The following DRC11 variants were observed in gnomAD, a reference collection of about 807,000 sequenced individuals.
DRC11 encodes IQ and AAA domain-containing protein 1.
chr2:236,358,093 A>T, the DRC11 span, among the ~76,000 whole-genome samples: 6 of 118,782 alleles, frequency 5.1e-5, no homozygotes, highest in Non-Finnish European at 6.4e-5. Flanking sequence ...ATAGATATAT[A>T]CCATATGAAT....
chr2:236,482,616 A>G, the DRC11 span, among the ~76,000 whole-genome samples: 1 of 152,190 alleles, frequency 6.6e-6, no homozygotes, highest in Non-Finnish European at 1.5e-5. The surrounding 1 kb of genome is among the most constrained non-coding windows in gnomAD (Gnocchi z 4.5). Flanking sequence ...TCTAAGATGT[A>G]CATTTTTCAT....
the DRC11 span, among the ~76,000 whole-genome samples, chr2:236,476,984 T>C: frequency 6.6e-6 from 1 of 152,198 alleles, no homozygotes; most frequent in Admixed American, 6.5e-5. The surrounding 1 kb of genome is among the most constrained non-coding windows in gnomAD (Gnocchi z 4.7). Context: ...ATGATCTTTT[T>C]AAAGCATTGT....
At chr2:236,493,793 T>C in the DRC11 span, 2 of 1,605,656 alleles carry the variant, frequency 1.2e-6, no homozygotes, top group Non-Finnish European at 1.7e-6. Flanking sequence ...TATTCCGCTG[T>C]CCGCTAATAT....
chr2:236,458,742 A>G, the DRC11 span, among the ~76,000 whole-genome samples: 8 of 151,926 alleles, frequency 5.3e-5, no homozygotes, highest in Non-Finnish European at 1.0e-4. Context: ...TGGCTTTCCT[A>G]TAAGTCAGTT....
chr2:236,497,362 T>C, the DRC11 span: 2 of 1,613,982 alleles, frequency 1.2e-6, no homozygotes, highest in Non-Finnish European at 1.7e-6. The surrounding 1 kb of genome is among the most constrained non-coding windows in gnomAD (Gnocchi z 5.1). Flanking sequence ...ATACTTTACG[T>C]AGAAGGTGGC....
the DRC11 span, among the ~76,000 whole-genome samples, chr2:236,474,964 T>C: frequency 6.6e-6 from 1 of 152,190 alleles, no homozygotes; most frequent in South Asian, 2.1e-4. Context: ...ATTTATCTTT[T>C]CTTTATGCTG....
chr2:236,465,586 T>C, the DRC11 span: 38 of 1,613,920 alleles, frequency 2.4e-5, no homozygotes, highest in Non-Finnish European at 3.1e-5. The surrounding 1 kb of genome is among the most constrained non-coding windows in gnomAD (Gnocchi z 6.2). Flanking sequence ...TAGGTCATTC[T>C]TGATGGTAAC....
At chr2:236,426,464 C>T in the DRC11 span, among the ~76,000 whole-genome samples, 1 of 150,378 alleles carries the variant, frequency 6.6e-6, no homozygotes, top group Admixed American at 6.6e-5. This position sits in a 1 kb window ranked among gnomAD's most constrained non-coding sequence, Gnocchi z 4.1. Context: ...AGAAATGCTA[C>T]TGATCTTTTG....
chr2:236,338,429 G>GA, the DRC11 span: 2 of 1,527,992 alleles, frequency 1.3e-6, no homozygotes, highest in African/African-American at 1.4e-5. Flanking sequence ...AAAAAAGAAT[G>GA]AAAAAATGAA....
chr2:236,487,180 T>C, the DRC11 span, among the ~76,000 whole-genome samples: 3 of 152,334 alleles, frequency 2.0e-5, no homozygotes, highest in Admixed American at 2.0e-4. Context: ...AATGTGAGGC[T>C]AGATCTAAGG....
chr2:236,404,394 C>A, the DRC11 span, among the ~76,000 whole-genome samples: 10 of 152,222 alleles, frequency 6.6e-5, no homozygotes, highest in Admixed American at 2.6e-4. Flanking sequence ...GTTCCTGGAG[C>A]CTCAGGGAGT....
At chr2:236,347,166 C>T in the DRC11 span, among the ~76,000 whole-genome samples, 1 of 152,204 alleles carries the variant, frequency 6.6e-6, no homozygotes, top group Non-Finnish European at 1.5e-5. Flanking sequence ...TCTCACCCTT[C>T]GTTCTGCTGA....
At chr2:236,463,392 A>G in the DRC11 span, among the ~76,000 whole-genome samples, 1 of 152,190 alleles carries the variant, frequency 6.6e-6, no homozygotes, top group South Asian at 2.1e-4. The surrounding 1 kb of genome is among the most constrained non-coding windows in gnomAD (Gnocchi z 5.0). Flanking sequence ...CCTCATTTTA[A>G]ATACCCCTTC....
the DRC11 span, among the ~76,000 whole-genome samples, chr2:236,378,894 C>T: frequency 6.6e-6 from 1 of 152,316 alleles, no homozygotes; most frequent in South Asian, 2.1e-4. Flanking sequence ...TCAGCCACAG[C>T]ATCTCGACCT....
At chr2:236,317,438 T>C in the DRC11 span, among the ~76,000 whole-genome samples, 22 of 152,286 alleles carry the variant, frequency 1.4e-4, no homozygotes, top group African/African-American at 5.3e-4. This position sits in a 1 kb window ranked among gnomAD's most constrained non-coding sequence, Gnocchi z 5.4. Context: ...CAAGCTAATG[T>C]TGGCTAGAAG....
the DRC11 span, among the ~76,000 whole-genome samples, chr2:236,308,485 C>T: frequency 1.2e-4 from 18 of 152,358 alleles, no homozygotes; most frequent in Admixed American, 8.5e-4. The surrounding 1 kb of genome is among the most constrained non-coding windows in gnomAD (Gnocchi z 6.0). Flanking sequence ...TGGGGATACT[C>T]GTGGTACAGT....
chr2:236,464,532 C>A, the DRC11 span, among the ~76,000 whole-genome samples: 1 of 152,130 alleles, frequency 6.6e-6, no homozygotes. Context: ...TTTTACAAAC[C>A]ATCTTTTGTA....
the DRC11 span, among the ~76,000 whole-genome samples, chr2:236,491,248 A>G: frequency 4.5e-4 from 27 of 59,432 alleles, 2 homozygotes; most frequent in South Asian, 0.011. Context: ...TATACACAGT[A>G]TATATATATA....
chr2:236,471,670 T>C, the DRC11 span, among the ~76,000 whole-genome samples: 1 of 152,178 alleles, frequency 6.6e-6, no homozygotes, highest in African/African-American at 2.4e-5. This position sits in a 1 kb window ranked among gnomAD's most constrained non-coding sequence, Gnocchi z 4.6. Flanking sequence ...TTAACACAAA[T>C]CTATGAGCTA....
Sources: gnomAD v4.1 joint callset for allele counts (sites outside exome capture counted in the v4.1 genomes callset) on GRCh38, gnomAD v4.1.1 for gene constraint, Gnocchi (gnomAD v3.1) non-coding constraint, MANE v1.5 for transcripts, NCBI Gene and HGNC (gene_info 2026-07-23, HGNC 2026-07-21) for gene names.